SNX25: variants seen among roughly 807,000 people sequenced by gnomAD.
SNX25 encodes the protein sorting nexin-25.
SNX25 carries 62 observed loss-of-function variants against 113.7 expected under a neutral mutation model. That is an observed-to-expected ratio of 0.55 (90% CI 0.44 to 0.67). The LOEUF is 0.67. SNX25 is among the 30% of genes least tolerant of loss of function. SNX25 has a pLI of 0.00. For missense variants in SNX25, 1,014 were observed against 1,161.0 expected (o/e 0.87, Z 1.84); for synonymous variants, 421 against 436.2 (o/e 0.97, Z 0.43).
chr4:185,213,595 TG>T (rs1417780121), intron 1 of SNX25, among the ~76,000 whole-genome samples: 4 of 152,276 alleles, frequency 2.6e-5, no homozygotes, highest in Non-Finnish European at 4.4e-5. Context: ...TGTCAGAGTG[TG>T]GTGTCCCGTG....
At chr4:185,208,369 C>A (rs1220017551), upstream of SNX25, among the ~76,000 whole-genome samples, 1 of 152,072 alleles carries the variant, frequency 6.6e-6, no homozygotes, top group African/African-American at 2.4e-5. Context: ...TTTGATCATC[C>A]CCTTGGCATG....
At chr4:185,309,191 T>C (rs1441301493) in intron 6 of SNX25, among the ~76,000 whole-genome samples, 1 of 152,166 alleles carries the variant, frequency 6.6e-6, no homozygotes, top group African/African-American at 2.4e-5. Context: ...CCTCTCCATA[T>C]AGATCTCTCC....
chr4:185,351,285 C>T (rs1214405909), intron 13 of SNX25, among the ~76,000 whole-genome samples, 160 bp from the exon 14 acceptor site: 1 of 152,168 alleles, frequency 6.6e-6, no homozygotes, highest in Non-Finnish European at 1.5e-5. Flanking sequence ...AAGAATTGAT[C>T]TTATATAGTT....
intron 9 of SNX25, among the ~76,000 whole-genome samples, chr4:185,325,410 G>A (rs1260821836): frequency 1.3e-5 from 2 of 151,868 alleles, no homozygotes; most frequent in South Asian, 2.1e-4. Context: ...GCATGCGCCT[G>A]TAGTCCCAGC....
intron 7 of SNX25, among the ~76,000 whole-genome samples, chr4:185,318,889 C>T (rs147475043): frequency 6.6e-6 from 1 of 152,136 alleles, no homozygotes; most frequent in Non-Finnish European, 1.5e-5. Context: ...AGCTGTCTTT[C>T]CTTTTGTTCC....
chr4:185,290,594 C>G (rs919023368), intron 6 of SNX25, among the ~76,000 whole-genome samples: 1 of 152,160 alleles, frequency 6.6e-6, no homozygotes, highest in Admixed American at 6.5e-5. Flanking sequence ...TAAACTCTTA[C>G]GTGCTTTGTG....
At chr4:185,376,896 C>A in the SNX25 span, 4 of 1,581,652 alleles carry the variant, frequency 2.5e-6, no homozygotes, top group Non-Finnish European at 3.5e-6. Context: ...AACGAATAAA[C>A]AAAAAATGAT....
chr4:185,352,184 C>T (rs905635499), intron 14 of SNX25, among the ~76,000 whole-genome samples: 6 of 152,300 alleles, frequency 3.9e-5, no homozygotes, highest in African/African-American at 1.4e-4. Flanking sequence ...ATCTCATCTT[C>T]TGAACCCCAG....
chr4:185,268,186 A>G (rs1050245275), intron 5 of SNX25, among the ~76,000 whole-genome samples: 1 of 152,228 alleles, frequency 6.6e-6, no homozygotes, highest in Non-Finnish European at 1.5e-5. Context: ...TACCTTAGAA[A>G]AGCACTGGAA....
At chr4:185,286,035 C>G (rs999164923) in intron 5 of SNX25, among the ~76,000 whole-genome samples, 2 of 151,998 alleles carry the variant, frequency 1.3e-5, no homozygotes, top group Non-Finnish European at 2.9e-5. Flanking sequence ...ACCTCAGCCT[C>G]CCTAAGTATT....
chr4:185,238,082 AAAAT>A (rs1162084246), intron 1 of SNX25, among the ~76,000 whole-genome samples: 3 of 151,512 alleles, frequency 2.0e-5, no homozygotes, highest in African/African-American at 4.8e-5. Context: ...AAAAAAAAAA[AAAAT>A]TTAGAGCACC....
intron 10 of SNX25, among the ~76,000 whole-genome samples, chr4:185,336,433 T>A (rs2095230382): frequency 6.6e-6 from 1 of 152,234 alleles, no homozygotes; most frequent in Non-Finnish European, 1.5e-5. Context: ...TGGTTTTCCA[T>A]TCCTGAGTTA....
Position 185,264,715 on chromosome 4 carries a change from A to G in SNX25, c.904+105A>G, listed in dbSNP as rs188081868. On this transcript the variant is annotated intron_variant, in intron 4 of 18. Transcript: ENST00000652585. ...ACATATGGGATTTGAAGTATTTTCA[A>G]AATCTTGTTTATATGTCTCTAAAAC... 4.5e-4 allele frequency: 572 copies of G among 1,259,454 alleles called. 2 individuals are homozygous for G. In the African/African-American group the frequency reaches 7.6e-3, roughly 17 times the overall value. 78.0% of individuals were successfully genotyped at this position (1,259,454 alleles called of 1,614,324 possible).
intron 1 of SNX25, among the ~76,000 whole-genome samples, chr4:185,239,549 T>TA (rs1315297502): frequency 2.6e-5 from 4 of 152,228 alleles, no homozygotes; most frequent in Non-Finnish European, 5.9e-5. Context: ...AAAATGTTCT[T>TA]AAAATTTTCT....
At chr4:185,263,987 C>T (rs1579531317) in intron 3 of SNX25, among the ~76,000 whole-genome samples, 1 of 152,206 alleles carries the variant, frequency 6.6e-6, no homozygotes. Context: ...TTTATAGACC[C>T]TCTAGCTCAC....
intron 6 of SNX25, among the ~76,000 whole-genome samples, chr4:185,297,548 C>G (rs750400145): frequency 1.7e-4 from 26 of 152,182 alleles, no homozygotes; most frequent in Non-Finnish European, 2.4e-4. Flanking sequence ...ATGGCATCAT[C>G]ATCTGTCTCA....
At chr4:185,365,258 C>A (rs1003492216), downstream of SNX25, 9 of 152,062 alleles carry the variant, frequency 5.9e-5, no homozygotes, top group Admixed American at 5.9e-4. Context: ...GTATGGCACA[C>A]GTCAAAGTTT....
intron 13 of SNX25, among the ~76,000 whole-genome samples, chr4:185,350,634 G>A (rs1260232451): frequency 3.3e-5 from 5 of 152,104 alleles, no homozygotes; most frequent in South Asian, 2.1e-4. Flanking sequence ...AGGCTGAGGC[G>A]GGCAGATCAC....
downstream of SNX25, among the ~76,000 whole-genome samples, chr4:185,372,227 A>G (rs1166827638): frequency 6.6e-6 from 1 of 152,222 alleles, no homozygotes; most frequent in Non-Finnish European, 1.5e-5. Flanking sequence ...TGTTAAGTAC[A>G]TGATTATAAT....
Sources: allele counts gnomAD v4.1 joint callset (sites outside exome capture counted in the v4.1 genomes callset), GRCh38; gene constraint gnomAD v4.1.1; transcripts MANE v1.5; gene names NCBI Gene and HGNC (gene_info 2026-07-23, HGNC 2026-07-21).